ITGA11: variants seen among roughly 807,000 people sequenced by gnomAD.
The protein encoded by ITGA11 is integrin subunit alpha 11.
Under a neutral mutation model 141.9 loss-of-function variants are expected in ITGA11, and 97 were observed. That is an observed-to-expected ratio of 0.68 (90% CI 0.58 to 0.81). ITGA11 has a LOEUF of 0.81. Among genes scored for constraint, ITGA11 ranks in the 30% least tolerant of loss-of-function variants. The pLI, the probability that ITGA11 is intolerant of heterozygous loss-of-function variation, is 0.00. For missense variants in ITGA11, 1,387 were observed against 1,559.2 expected (o/e 0.89, Z 1.86); for synonymous variants, 658 against 624.6 (o/e 1.05, Z -0.80).
intron 13 of ITGA11, 127 bp from the exon 14 acceptor site, chr15:68,332,189 T>A: frequency 8.1e-7 from 1 of 1,239,602 alleles, no homozygotes; most frequent in Non-Finnish European, 1.1e-6. Context: ...TCTCTGGCTA[T>A]ATGAACCCAG....
intron 12 of ITGA11, among the ~76,000 whole-genome samples, chr15:68,334,284 T>A (rs1193069401): frequency 6.6e-6 from 1 of 152,256 alleles, no homozygotes; most frequent in Non-Finnish European, 1.5e-5. Context: ...GGATGGTTTA[T>A]AGCCTTGGGT....
chr15:68,356,223 G>T (rs1419055014), intron 7 of ITGA11, among the ~76,000 whole-genome samples: 1 of 151,924 alleles, frequency 6.6e-6, no homozygotes, highest in Non-Finnish European at 1.5e-5. Flanking sequence ...AGCCTCCCAA[G>T]TAGCTGGGAC....
rs1894256211 is a variant in ITGA11 at position 68,333,778 on chromosome 15, C to G, written c.1426-1300G>C. Among the ~76,000 whole-genome samples the G allele has an allele frequency of 6.6e-6, 1 of 152,200 alleles. No individual in the cohort carries two copies. The highest frequency in any genetic ancestry group is 1.9e-4 in the East Asian group (1 of 5,186). On this transcript the variant is annotated intron_variant, in intron 12 of 29. Transcript: ENST00000315757. This position sits in a 1 kb window ranked among gnomAD's most constrained non-coding sequence, Gnocchi z 4.2. ...GCTTTTGGGATAGTATCTAAACTCT[C>G]TAGCAGGACCGTGCTGGACCAGCCT...
chr15:68,428,113 A>C (rs1193395372), intron 1 of ITGA11, among the ~76,000 whole-genome samples: 1 of 152,238 alleles, frequency 6.6e-6, no homozygotes, highest in Non-Finnish European at 1.5e-5. Flanking sequence ...CTGGAAGCCC[A>C]TGGTGAGACA....
At chr15:68,411,516 AGATGGGAGCC>A (rs1255785152) in intron 1 of ITGA11, among the ~76,000 whole-genome samples, 1 of 152,222 alleles carries the variant, frequency 6.6e-6, no homozygotes, top group Non-Finnish European at 1.5e-5. Context: ...ATGAAGCAGC[AGATGGGAGCC>A]GATGGCCAGA....
intron 1 of ITGA11, among the ~76,000 whole-genome samples, chr15:68,419,108 C>T (rs117185283): frequency 0.016 from 2,498 of 152,246 alleles, 28 homozygotes; most frequent in Non-Finnish European, 0.028. Flanking sequence ...CTGAAAAGGT[C>T]TCTGGCTGCA....
At chr15:68,353,757 T>C (rs1375441280) in intron 7 of ITGA11, among the ~76,000 whole-genome samples, 1 of 152,280 alleles carries the variant, frequency 6.6e-6, no homozygotes, top group East Asian at 1.9e-4. Flanking sequence ...GAGTGGCCCA[T>C]GGAGATTTAG....
Position 68,331,206 on chromosome 15 carries a change from G to A in ITGA11, c.1771-95C>T, listed in dbSNP as rs565918338. On this transcript the variant is annotated intron_variant, in intron 14 of 29. Transcript: ENST00000315757. ...CAGGAACAATCAGGAACAATAGGGAGCCTGTGTGAAACCACCAAGAAGCTT... is the reference window on the plus strand; with the variant it reads ...CAGGAACAATCAGGAACAATAGGGAACCTGTGTGAAACCACCAAGAAGCTT... The A allele has an allele frequency of 1.3e-4, 162 of 1,210,402 alleles. No individual in the cohort carries two copies. In the African/African-American group the frequency reaches 2.3e-3, roughly 17 times the overall value. 75.0% of individuals were successfully genotyped at this position (1,210,402 alleles called of 1,614,324 possible). A position where few individuals can be genotyped will look rare whatever the true frequency, so the allele number is the denominator to read the frequency against.
chr15:68,432,070 C>G lies in ITGA11; in HGVS notation c.-4G>C. The G allele has an allele frequency of 7.3e-7, 1 of 1,369,538 alleles. No homozygotes were observed. The allele number at this position is 1,369,538 out of a possible 1,614,324, so 84.8% of individuals were successfully genotyped here. Reference sequence around the variant, plus strand: ...CCAGGCCCCTGGGCAGGTCCATGGCCCGCGGCACGGCGGCTGGGTCCGGTG... The same window carrying G: ...CCAGGCCCCTGGGCAGGTCCATGGCGCGCGGCACGGCGGCTGGGTCCGGTG... On this transcript the variant is annotated 5_prime_UTR_variant, in exon 1 of 30. Coordinates refer to ENST00000315757, the MANE Select transcript of ITGA11 (RefSeq NM_001004439.2).
chr15:68,304,905 T>C lies in ITGA11; in HGVS notation c.3382-1020A>G, dbSNP rs542557426. 1.3e-5 allele frequency among the ~76,000 whole-genome samples: 2 copies of C among 152,338 alleles called. No homozygotes were observed. The highest frequency in any genetic ancestry group is 2.9e-5 in the Non-Finnish European group (2 of 68,032). On this transcript the variant is annotated intron_variant, in intron 28 of 29. Transcript: ENST00000315757. The surrounding 1 kb of genome is among the most constrained non-coding windows in gnomAD (Gnocchi z 6.1). Reference sequence around the variant, plus strand: ...ACCACTCCCACCTCCTGGGCCTGAGTGCCCTCACATCTCCTCTGGAGACTA... The same window carrying C: ...ACCACTCCCACCTCCTGGGCCTGAGCGCCCTCACATCTCCTCTGGAGACTA...
At position 68,333,921 on chromosome 15, in the gene ITGA11, C is replaced by T. The variant is rs959269584; in HGVS notation, c.1426-1443G>A. Among the ~76,000 whole-genome samples the T allele has an allele frequency of 1.2e-4, 18 of 152,384 alleles. No individual in the cohort carries two copies. Among genetic ancestry groups the T allele is most frequent in the African/African-American group, 3.8e-4 (16 of 41,590 alleles). Reference sequence around the variant, plus strand: ...CAGGCCTTGGCTGGCTTCCAGGCTTCCCTCTGCACAAGCTTTTCTCTTGCA... The same window carrying T: ...CAGGCCTTGGCTGGCTTCCAGGCTTTCCTCTGCACAAGCTTTTCTCTTGCA... On this transcript the variant is annotated intron_variant, in intron 12 of 29. Coordinates refer to ENST00000315757, the MANE Select transcript of ITGA11 (RefSeq NM_001004439.2). The surrounding 1 kb of genome is among the most constrained non-coding windows in gnomAD (Gnocchi z 4.2).
chr15:68,345,058 C>G (rs1443534472), intron 10 of ITGA11, among the ~76,000 whole-genome samples: 4 of 152,042 alleles, frequency 2.6e-5, no homozygotes, highest in African/African-American at 9.7e-5. Flanking sequence ...TCTAGTCCCC[C>G]TCTGGAGGTG....
intron 1 of ITGA11, among the ~76,000 whole-genome samples, chr15:68,418,736 T>C (rs1053407902): frequency 6.6e-6 from 1 of 151,992 alleles, no homozygotes; most frequent in African/African-American, 2.4e-5. Flanking sequence ...AATTGGACAG[T>C]GAGTCCCTCC....
At chr15:68,372,296 C>T (rs1895613580) in intron 2 of ITGA11, among the ~76,000 whole-genome samples, 1 of 152,150 alleles carries the variant, frequency 6.6e-6, no homozygotes, top group South Asian at 2.1e-4. Context: ...CCACTGAGAC[C>T]AGCCAAATTG....
chr15:68,380,500 T>G (rs1293586949), intron 2 of ITGA11, among the ~76,000 whole-genome samples: 3 of 152,136 alleles, frequency 2.0e-5, no homozygotes, highest in African/African-American at 7.2e-5. Flanking sequence ...CAGGGAGACT[T>G]ATACCCGATG....
At chr15:68,362,694 A>G (rs1595878177) in intron 4 of ITGA11, among the ~76,000 whole-genome samples, 1 of 152,180 alleles carries the variant, frequency 6.6e-6, no homozygotes, top group Non-Finnish European at 1.5e-5. Context: ...TGGAAGGATG[A>G]TGGATAGATG....
intron 10 of ITGA11, among the ~76,000 whole-genome samples, chr15:68,345,004 C>G (rs928853868): frequency 1.3e-5 from 2 of 152,016 alleles, no homozygotes; most frequent in Admixed American, 6.5e-5. Context: ...CTTTCTCCCT[C>G]TGCATCTTCC....
chr15:68,399,741 C>T (rs1021620760), intron 2 of ITGA11, among the ~76,000 whole-genome samples: 10 of 151,904 alleles, frequency 6.6e-5, no homozygotes, highest in South Asian at 4.2e-4. Context: ...TAAGTGGGAG[C>T]GAAACACTGG....
chr15:68,352,440 G>A (rs993559430), intron 7 of ITGA11, among the ~76,000 whole-genome samples: 4 of 152,026 alleles, frequency 2.6e-5, no homozygotes, highest in East Asian at 3.9e-4. Flanking sequence ...TGATCTGCCC[G>A]CCTCTGCCTC....
Sources: allele counts gnomAD v4.1 joint callset (sites outside exome capture counted in the v4.1 genomes callset), GRCh38; gene constraint gnomAD v4.1.1; non-coding constraint Gnocchi (gnomAD v3.1); transcripts MANE v1.5; gene names NCBI Gene and HGNC (gene_info 2026-07-23, HGNC 2026-07-21).